Variants in FAM168A observed in about 807,000 individuals in gnomAD.
FAM168A encodes family with sequence similarity 168 member A.
FAM168A carries 3 observed loss-of-function variants against 28.5 expected under a neutral mutation model. The observed-to-expected ratio is 0.11, with a 90% CI of 0.05 to 0.27. The LOEUF is 0.27. FAM168A is among the 10% of genes least tolerant of loss of function. FAM168A has a pLI of 1.00. For synonymous variants in FAM168A, 122 were observed against 124.2 expected (o/e 0.98, Z 0.12); for missense variants, 222 against 311.5 (o/e 0.71, Z 2.16).
chr11:73,457,947 T>C (rs1478724031), intron 2 of FAM168A, among the ~76,000 whole-genome samples: 1 of 152,060 alleles, frequency 6.6e-6, no homozygotes, highest in African/African-American at 2.4e-5. Flanking sequence ...AGCTCTCCCT[T>C]GAAGGATTAT....
intron 1 of FAM168A, among the ~76,000 whole-genome samples, chr11:73,500,781 T>C (rs563235400): frequency 6.6e-6 from 1 of 152,226 alleles, no homozygotes; most frequent in African/African-American, 2.4e-5. Flanking sequence ...CTGCATCAAC[T>C]AGTATGCAAA....
At chr11:73,486,332 G>T (rs1026382755) in intron 1 of FAM168A, among the ~76,000 whole-genome samples, 1 of 151,978 alleles carries the variant, frequency 6.6e-6, no homozygotes, top group Non-Finnish European at 1.5e-5. Context: ...AACTAAACTG[G>T]ACTCTTCATA....
chr11:73,488,826 T>C (rs1565267492), intron 1 of FAM168A, among the ~76,000 whole-genome samples: 1 of 152,274 alleles, frequency 6.6e-6, no homozygotes, highest in East Asian at 1.9e-4. Flanking sequence ...TCACATAAAA[T>C]AAATACATAA....
intron 1 of FAM168A, among the ~76,000 whole-genome samples, chr11:73,471,917 C>G (rs556972591): frequency 2.6e-4 from 40 of 152,268 alleles, no homozygotes; most frequent in Non-Finnish European, 4.3e-4. Flanking sequence ...CATTCCATGG[C>G]CTGCTAGGAA....
At chr11:73,436,704 C>T (rs1233386110) in intron 2 of FAM168A, among the ~76,000 whole-genome samples, 1 of 152,254 alleles carries the variant, frequency 6.6e-6, no homozygotes, top group African/African-American at 2.4e-5. Context: ...TAAGACTTCT[C>T]TTACAGAGCT....
intron 1 of FAM168A, chr11:73,580,294 C>A (rs1366046692): frequency 1.8e-6 from 1 of 567,278 alleles, no homozygotes; most frequent in Non-Finnish European, 3.5e-6. Context: ...GGAGATAAAG[C>A]CAAGGTGAAG....
chr11:73,484,635 T>C (rs543662369), intron 1 of FAM168A, among the ~76,000 whole-genome samples: 74 of 143,012 alleles, frequency 5.2e-4, no homozygotes, highest in African/African-American at 2.0e-3. Context: ...TAGATATCTA[T>C]ATCGATATCT....
chr11:73,540,317 A>T (rs979130704), intron 1 of FAM168A, among the ~76,000 whole-genome samples: 6 of 152,202 alleles, frequency 3.9e-5, no homozygotes, highest in African/African-American at 1.2e-4. Context: ...TTTTACATAC[A>T]TTCTCTCGTT....
intron 1 of FAM168A, among the ~76,000 whole-genome samples, chr11:73,508,747 C>G (rs1855163949): frequency 6.6e-6 from 1 of 152,058 alleles, no homozygotes; most frequent in African/African-American, 2.4e-5. Flanking sequence ...TATAGGATGA[C>G]AGGGGGTACA....
At chr11:73,551,791 A>G (rs1164326108) in intron 1 of FAM168A, among the ~76,000 whole-genome samples, 2 of 152,218 alleles carry the variant, frequency 1.3e-5, no homozygotes, top group Admixed American at 6.5e-5. Context: ...GAACATGCCA[A>G]TTTTAAATCC....
chr11:73,490,013 C>T (rs1171257757), intron 1 of FAM168A, among the ~76,000 whole-genome samples: 1 of 152,100 alleles, frequency 6.6e-6, no homozygotes, highest in Non-Finnish European at 1.5e-5. Flanking sequence ...AACCAAATAC[C>T]ATCTACATTT....
At chr11:73,502,813 G>A (rs762320367) in intron 1 of FAM168A, among the ~76,000 whole-genome samples, 3 of 152,132 alleles carry the variant, frequency 2.0e-5, no homozygotes, top group African/African-American at 4.8e-5. Flanking sequence ...CGATCAAGTC[G>A]GTTTCATCCC....
intron 1 of FAM168A, among the ~76,000 whole-genome samples, chr11:73,515,166 C>G (rs1036297435): frequency 1.2e-4 from 19 of 152,166 alleles, no homozygotes; most frequent in African/African-American, 4.6e-4. Context: ...AAGATACTCA[C>G]TCCAGGAAGG....
chr11:73,496,647 G>A (rs1046104581), intron 1 of FAM168A, among the ~76,000 whole-genome samples: 2 of 152,080 alleles, frequency 1.3e-5, no homozygotes, highest in Non-Finnish European at 1.5e-5. Context: ...TGCAAGCTCC[G>A]CCTCCCGCGT....
chr11:73,484,498 GGA>G (rs201878144), intron 1 of FAM168A, among the ~76,000 whole-genome samples: 8,703 of 142,974 alleles, frequency 0.061, 831 homozygotes, highest in African/African-American at 0.2. Flanking sequence ...AGAACTAAGA[GGA>G]GAGAGAGATA....
rs758551943 is a variant in FAM168A, at chr11:73,411,483, G to A, written c.331C>T (p.Pro111Ser). Residue 111 changes from proline to serine, a missense_variant, in exon 5 of 8, where the codon CCA becomes TCA. Pro to Ser is a moderately conservative substitution (Grantham distance 74). Around this residue, in one of 3 missense-constraint regions of FAM168A, gnomAD observed 153 missense variants for 189.2 expected, o/e 0.81. Coordinates refer to ENST00000356467, the MANE Select transcript of FAM168A (RefSeq NM_015159.3). The part of the protein sequence containing the change: ...KVPPTQSNTA[P>S]PPYSPSPNPY... ...TTGGGTGATGGGGAGTAGGGGGGTG[G>A]AGCAGTGTTACTCTGGGTCGGTGGG... 2.5e-6 allele frequency: 4 copies of A among 1,613,786 alleles called. No homozygotes were observed. The highest frequency in any genetic ancestry group is 1.1e-5 in the South Asian group (1 of 91,080).
At chr11:73,496,736 A>G (rs1349934540) in intron 1 of FAM168A, among the ~76,000 whole-genome samples, 3 of 151,968 alleles carry the variant, frequency 2.0e-5, no homozygotes, top group African/African-American at 7.3e-5. Context: ...AATTTTTTGT[A>G]TTTTTAGTAG....
At chr11:73,589,170 T>C (rs982058860) in intron 1 of FAM168A, among the ~76,000 whole-genome samples, 1 of 152,202 alleles carries the variant, frequency 6.6e-6, no homozygotes, top group African/African-American at 2.4e-5. Flanking sequence ...ATTTTCCAAA[T>C]GACCAACGCA....
intron 1 of FAM168A, among the ~76,000 whole-genome samples, chr11:73,590,954 C>A (rs150611541): frequency 6.6e-6 from 1 of 152,208 alleles, no homozygotes; most frequent in East Asian, 1.9e-4. Context: ...ACCAGCCTGG[C>A]CAACATGGTG....
Sources: allele counts gnomAD v4.1 joint callset (sites outside exome capture counted in the v4.1 genomes callset), GRCh38; gene constraint gnomAD v4.1.1; regional missense constraint gnomAD v4.1.1; transcripts MANE v1.5; gene names NCBI Gene and HGNC (gene_info 2026-07-23, HGNC 2026-07-21).